The following PTPRK variants were observed in gnomAD, a reference collection of about 807,000 sequenced individuals.
The protein encoded by PTPRK is protein tyrosine phosphatase receptor type K, also known as receptor-type tyrosine-protein phosphatase kappa.
A neutral mutation model predicts 178.0 loss-of-function variants in PTPRK; 75 were observed. That is an observed-to-expected ratio of 0.42 (90% confidence interval 0.35 to 0.51). The LOEUF (loss-of-function observed/expected upper bound fraction) is 0.51. Among genes scored for constraint, PTPRK ranks in the 20% least tolerant of loss-of-function variants. PTPRK has a pLI of 0.02. For synonymous variants in PTPRK, 637 were observed against 620.6 expected, an observed-to-expected ratio of 1.03 and a Z score of -0.39; for missense variants, 1,441 against 1,797.8, an observed-to-expected ratio of 0.80 and a Z score of 3.59.
At chr6:128,278,133 T>G (rs1268352280) in intron 3 of PTPRK, among the ~76,000 whole-genome samples, 22 of 133,424 alleles carry the variant, frequency 1.6e-4, no homozygotes, top group Admixed American at 1.6e-3. Context: ...TTTTATTTAT[T>G]TATTTATTTA....
At chr6:128,316,831 C>T (rs1828066685) in intron 3 of PTPRK, among the ~76,000 whole-genome samples, 1 of 151,624 alleles carries the variant, frequency 6.6e-6, no homozygotes, top group Admixed American at 6.6e-5. Flanking sequence ...ATTCTCCTGC[C>T]TCAGCCTCCT....
intron 1 of PTPRK, among the ~76,000 whole-genome samples, chr6:128,432,728 G>C (rs977876545): frequency 4.1e-5 from 6 of 145,420 alleles, no homozygotes; most frequent in Non-Finnish European, 8.9e-5. Context: ...CTACCATACA[G>C]GTATGTTGTG....
chr6:128,361,577 C>G (rs1834748419), intron 2 of PTPRK, among the ~76,000 whole-genome samples: 1 of 152,090 alleles, frequency 6.6e-6, no homozygotes, highest in Non-Finnish European at 1.5e-5. Context: ...GTTACTCACA[C>G]AAACCTATAC....
intron 7 of PTPRK, among the ~76,000 whole-genome samples, chr6:128,101,471 C>T (rs1242876915): frequency 3.3e-5 from 5 of 152,058 alleles, no homozygotes; most frequent in African/African-American, 9.7e-5. Flanking sequence ...CTACTTAATA[C>T]ATCATTTAAT....
intron 1 of PTPRK, among the ~76,000 whole-genome samples, chr6:128,448,679 G>C (rs1312360322): frequency 6.6e-6 from 1 of 152,100 alleles, no homozygotes; most frequent in African/African-American, 2.4e-5. Context: ...AAGAAATTAT[G>C]AATACCATTT....
intron 1 of PTPRK, among the ~76,000 whole-genome samples, chr6:128,467,883 A>G: frequency 6.6e-6 from 1 of 151,468 alleles, no homozygotes; most frequent in East Asian, 1.9e-4. Flanking sequence ...CTCATTGGCC[A>G]TTAAATGTTG....
chr6:128,417,572 C>A (rs1369445604), intron 1 of PTPRK, among the ~76,000 whole-genome samples: 1 of 152,176 alleles, frequency 6.6e-6, no homozygotes, highest in Non-Finnish European at 1.5e-5. Flanking sequence ...GTTTGCATAT[C>A]ATTAAAGGTT....
At chr6:128,185,099 G>T (rs1233811540) in intron 6 of PTPRK, among the ~76,000 whole-genome samples, 1 of 152,072 alleles carries the variant, frequency 6.6e-6, no homozygotes, top group African/African-American at 2.4e-5. Context: ...ATGCCCAAGA[G>T]GTATTTTTCT....
At chr6:128,011,424 TTTAA>T (rs1480458496) in intron 13 of PTPRK, among the ~76,000 whole-genome samples, 1 of 151,122 alleles carries the variant, frequency 6.6e-6, no homozygotes, top group African/African-American at 2.4e-5. Context: ...TTCATAACAG[TTTAA>T]TTAAATAAAA....
intron 7 of PTPRK, among the ~76,000 whole-genome samples, chr6:128,161,179 G>C (rs1004377402): frequency 6.6e-6 from 1 of 151,640 alleles, no homozygotes; most frequent in African/African-American, 2.4e-5. Context: ...AATTTGTTTT[G>C]CATGTGAATT....
intron 22 of PTPRK, among the ~76,000 whole-genome samples, chr6:127,983,739 T>G (rs529392284): frequency 7.9e-5 from 12 of 152,336 alleles, no homozygotes; most frequent in African/African-American, 2.9e-4. Context: ...AACTCAAGAT[T>G]GAATATTTTT....
intron 7 of PTPRK, among the ~76,000 whole-genome samples, chr6:128,126,695 C>A (rs1394029327): frequency 6.6e-6 from 1 of 152,084 alleles, no homozygotes; most frequent in Non-Finnish European, 1.5e-5. Flanking sequence ...CATTATATTG[C>A]CCAAGCTGGT....
At chr6:128,208,298 CAAAA>C (rs3058186) in intron 6 of PTPRK, among the ~76,000 whole-genome samples, 1 of 105,054 alleles carries the variant, frequency 9.5e-6, no homozygotes. Context: ...CCTACACCCT[CAAAA>C]AAAAAAAAAA....
intron 7 of PTPRK, among the ~76,000 whole-genome samples, chr6:128,102,816 C>G (rs780702224): frequency 6.6e-6 from 1 of 152,166 alleles, no homozygotes; most frequent in Non-Finnish European, 1.5e-5. Context: ...CCTGGCCAAG[C>G]TTTCCTATCT....
rs369013218 is a variant in PTPRK at position 128,214,544 on chromosome 6, C to CATTATTATTATT, written c.868+4366_868+4377dup. On this transcript the variant is annotated intron_variant, in intron 6 of 29. Transcript: ENST00000368226. The stretch of plus-strand genomic sequence containing the variant: ...GCTGTTTATCCAATAACCAGTGATG[C>CATTATTATTATT]ATTATTATTATTATTATTATTATTA... Among the ~76,000 whole-genome samples, 985 of 150,018 alleles carry CATTATTATTATT rather than the reference C, an allele frequency of 6.6e-3. 10 individuals carry two copies. Among genetic ancestry groups the CATTATTATTATT allele is most frequent in the African/African-American group, 0.019 (787 of 40,744 alleles).
rs142652961 is a variant in PTPRK, at chr6:128,487,891, G to A, written c.100+32368C>T. 2.4e-3 allele frequency among the ~76,000 whole-genome samples: 363 copies of A among 152,216 alleles called. 3 individuals are homozygous for A. The highest frequency in any genetic ancestry group is 8.1e-3 in the African/African-American group (336 of 41,542). ...ATCAAACTTTTCTGCCCCCAAAACCGCATTCAATGAGGTGTAGATTCCTGT... is the reference window on the plus strand; with the variant it reads ...ATCAAACTTTTCTGCCCCCAAAACCACATTCAATGAGGTGTAGATTCCTGT... On this transcript the variant is annotated intron_variant, in intron 1 of 29. Coordinates refer to ENST00000368226, the MANE Select transcript of PTPRK (RefSeq NM_002844.4).
chr6:128,406,085 C>T (rs920385451), intron 1 of PTPRK, among the ~76,000 whole-genome samples: 2 of 151,406 alleles, frequency 1.3e-5, no homozygotes, highest in Non-Finnish European at 2.9e-5. Context: ...AGGGAGAACC[C>T]ACCTCTACAA....
intron 3 of PTPRK, among the ~76,000 whole-genome samples, chr6:128,290,809 G>A (rs982371167): frequency 2.0e-5 from 3 of 151,948 alleles, no homozygotes; most frequent in African/African-American, 2.4e-5. Flanking sequence ...AAAAACTAAG[G>A]GTGTAATAGG....
chr6:128,449,769 T>C (rs771305421), intron 1 of PTPRK, among the ~76,000 whole-genome samples: 1 of 152,034 alleles, frequency 6.6e-6, no homozygotes, highest in African/African-American at 2.4e-5. Flanking sequence ...CTTTGTGAGA[T>C]AAAACTATAG....
Sources: allele counts gnomAD v4.1 joint callset (sites outside exome capture counted in the v4.1 genomes callset), GRCh38; gene constraint gnomAD v4.1.1; transcripts MANE v1.5; gene names NCBI Gene and HGNC (gene_info 2026-07-23, HGNC 2026-07-21).